The following B3GNT3 variants were observed in gnomAD, a reference collection of about 807,000 sequenced individuals.
B3GNT3 encodes UDP-GlcNAc:betaGal beta-1,3-N-acetylglucosaminyltransferase 3.
In B3GNT3, 7 loss-of-function variants were observed where a neutral mutation model predicts 11.6. The ratio of observed to expected loss-of-function variants is 0.60; its 90% CI spans 0.34 to 1.13. The LOEUF (loss-of-function observed/expected upper bound fraction) is 1.13, where lower values mean the gene tolerates loss of function less well. Ranked by LOEUF, B3GNT3 falls within the 50% of genes most tolerant of loss-of-function variation. The pLI is 0.03. For synonymous variants in B3GNT3, 201 were observed against 222.1 expected (o/e 0.90, Z 0.85); for missense variants, 400 against 507.4 (o/e 0.79, Z 2.03).
chr19:17,804,859 T>G (rs981789543), intron 1 of B3GNT3, among the ~76,000 whole-genome samples: 4 of 151,568 alleles, frequency 2.6e-5, no homozygotes, highest in Admixed American at 2.6e-4. Flanking sequence ...ACCCAGCCCT[T>G]CACCTTATTT....
intron 2 of B3GNT3, among the ~76,000 whole-genome samples, chr19:17,809,223 A>G (rs2094177597): frequency 6.6e-6 from 1 of 152,032 alleles, no homozygotes; most frequent in Non-Finnish European, 1.5e-5. Flanking sequence ...CCTAATGCCT[A>G]GAATAGATTC....
At chr19:17,795,892 A>AG (rs550638660) in intron 1 of B3GNT3, among the ~76,000 whole-genome samples, 164 of 152,102 alleles carry the variant, frequency 1.1e-3, no homozygotes, top group Non-Finnish European at 1.4e-3. Context: ...CTGTGTGTTA[A>AG]GGGGGGGTCT....
chr19:17,804,207 CTT>C (rs918862690), intron 1 of B3GNT3, among the ~76,000 whole-genome samples: 1 of 135,930 alleles, frequency 7.4e-6, no homozygotes. Flanking sequence ...TCTTATTTTC[CTT>C]TTTTTTTTCT....
In B3GNT3 at chr19:17,807,960, T is replaced by TCCCCGC; in HGVS notation, c.155_156insCCGCCC (p.Pro52_Pro53insArgPro). 4 of 1,609,526 alleles carry TCCCCGC rather than the reference T, an allele frequency of 2.5e-6. No individual in the cohort carries two copies. Among genetic ancestry groups the TCCCCGC allele is most frequent in the Non-Finnish European group, 1.7e-6 (2 of 1,178,110 alleles). On this transcript the variant is annotated inframe_insertion, in exon 2 of 3. Transcript: ENST00000318683. ...TCCCCGAGGCCCTGGCCTGGCCCAC[T>TCCCCGC]CCACCCACCCGCCCAGCCCCGGCCC...
intron 1 of B3GNT3, among the ~76,000 whole-genome samples, chr19:17,805,929 C>G (rs2109244): frequency 1.3e-5 from 2 of 151,552 alleles, no homozygotes; most frequent in Non-Finnish European, 2.9e-5. Context: ...TCCCAAGTAA[C>G]TGAGACCTCA....
intron 1 of B3GNT3, among the ~76,000 whole-genome samples, chr19:17,797,063 C>A (rs909280975): frequency 6.6e-6 from 1 of 152,046 alleles, no homozygotes; most frequent in South Asian, 2.1e-4. Flanking sequence ...AGGCTCCCAC[C>A]CAACCTTTCT....
At chr19:17,804,586 G>A (rs1239423091) in intron 1 of B3GNT3, among the ~76,000 whole-genome samples, 13 of 125,280 alleles carry the variant, frequency 1.0e-4, no homozygotes, top group Non-Finnish European at 1.7e-4. Flanking sequence ...TGCCCAGGCT[G>A]GAGTGCAGTG....
chr19:17,813,462 T>C lies in B3GNT3; in HGVS notation c.*1340T>C, dbSNP rs962198414. ...GAAGACAAAAACATAAAACAGGACA[T>C]GTGTGAGGCAAAAGCTGCAGGAATT... is the stretch of plus-strand genomic sequence containing the variant. On this transcript the variant is annotated 3_prime_UTR_variant, in exon 3 of 3. Transcript: ENST00000318683. Among the ~76,000 whole-genome samples the C allele has an allele frequency of 1.3e-5, 2 of 152,032 alleles. No individual in the cohort carries two copies. Among genetic ancestry groups the C allele is most frequent in the African/African-American group, 4.8e-5 (2 of 41,386 alleles).
At chr19:17,804,533 C>CTTTTTTTTTTTTTTTTTTTTT (rs67513010) in intron 1 of B3GNT3, among the ~76,000 whole-genome samples, 1 of 57,016 alleles carries the variant, frequency 1.8e-5, no homozygotes, top group African/African-American at 8.3e-5. Flanking sequence ...CCGTGCCCAG[C>CTTTTTTTTTTTTTTTTTTTTT]TTTTTTTTTT....
chr19:17,797,443 A>T lies in B3GNT3; in HGVS notation c.-51+2237A>T, dbSNP rs181834256. Among the ~76,000 whole-genome samples the T allele has an allele frequency of 1.6e-4, 25 of 152,278 alleles. No homozygotes were observed. The East Asian group carries it at 4.8e-3, about 29-fold the overall frequency. ...AGGGTCTGAGGTTGAACTGCGATGC[A>T]CGGCCTGGCTTCCCAGCCTGTTTCC... On this transcript the variant is annotated intron_variant, in intron 1 of 2. Coordinates refer to ENST00000318683, the MANE Select transcript of B3GNT3 (RefSeq NM_014256.4).
chr19:17,807,772 G>A lies in B3GNT3; in HGVS notation c.-36G>A. 1 of 1,572,572 alleles carries A rather than the reference G, an allele frequency of 6.4e-7. No individual in the cohort carries two copies. The highest frequency in any genetic ancestry group is 8.7e-7 in the Non-Finnish European group (1 of 1,154,608). ...GTTTTCCACAGGAGCCGCCCAGGAG[G>A]CTCCTCAGGCCGACCCCAGACCCTG... On this transcript the variant is annotated 5_prime_UTR_variant, in exon 2 of 3. Coordinates refer to ENST00000318683, the MANE Select transcript of B3GNT3 (RefSeq NM_014256.4).
intron 1 of B3GNT3, among the ~76,000 whole-genome samples, chr19:17,804,928 T>C (rs2094171268): frequency 6.6e-6 from 1 of 150,686 alleles, no homozygotes; most frequent in Admixed American, 6.6e-5. Flanking sequence ...GCCACCAAAC[T>C]CTTCCACCTA....
Position 17,807,960 on chromosome 19 carries a change from T to TCCCCGCCCCCC in B3GNT3, c.155_156insCCGCCCCCCCC (p.Pro53ArgfsTer64). ...TCCCCGAGGCCCTGGCCTGGCCCAC[T>TCCCCGCCCCCC]CCACCCACCCGCCCAGCCCCGGCCC... On this transcript the variant is annotated frameshift_variant, in exon 2 of 3. Transcript: ENST00000318683. LOFTEE classifies it high-confidence loss of function. The TCCCCGCCCCCC allele has an allele frequency of 6.2e-7, 1 of 1,609,548 alleles. No homozygotes were observed. Among genetic ancestry groups the TCCCCGCCCCCC allele is most frequent in the Non-Finnish European group, 8.5e-7 (1 of 1,178,130 alleles).
At chr19:17,804,412 GTAT>G (rs2094170298) in intron 1 of B3GNT3, among the ~76,000 whole-genome samples, 1 of 148,684 alleles carries the variant, frequency 6.7e-6, no homozygotes, top group Non-Finnish European at 1.5e-5. Context: ...GGTAATTTTT[GTAT>G]TTTTAGTAGA....
intron 2 of B3GNT3, among the ~76,000 whole-genome samples, chr19:17,808,706 G>A (rs2094176947): frequency 6.6e-6 from 1 of 152,160 alleles, no homozygotes; most frequent in African/African-American, 2.4e-5. Context: ...AAAATGGGAT[G>A]TGAATGAGTC....
At chr19:17,796,403 T>TA (rs1435809230) in intron 1 of B3GNT3, among the ~76,000 whole-genome samples, 2 of 151,416 alleles carry the variant, frequency 1.3e-5, no homozygotes, top group African/African-American at 4.8e-5. Flanking sequence ...CTGATTTTTT[T>TA]AAATGGACAC....
intron 1 of B3GNT3, among the ~76,000 whole-genome samples, chr19:17,802,557 C>T (rs549354391): frequency 1.2e-4 from 19 of 152,006 alleles, no homozygotes; most frequent in Non-Finnish European, 2.5e-4. Context: ...GCCTGGAGGT[C>T]GAAGCCTCTC....
intron 1 of B3GNT3, among the ~76,000 whole-genome samples, chr19:17,804,240 C>CTTTTTTTTTTTTTTTTTTTTCT (rs773524591): frequency 8.9e-6 from 1 of 112,188 alleles, no homozygotes; most frequent in Non-Finnish European, 1.8e-5. Flanking sequence ...TCTTTTTTTT[C>CTTTTTTTTTTTTTTTTTTTTCT]TTTTTTTTTT....
chr19:17,797,743 T>C (rs1005260958), intron 1 of B3GNT3, among the ~76,000 whole-genome samples: 1 of 152,152 alleles, frequency 6.6e-6, no homozygotes, highest in African/African-American at 2.4e-5. Flanking sequence ...TGAGTATATA[T>C]TGACAGAGAA....
Sources: gnomAD v4.1 joint callset for allele counts (sites outside exome capture counted in the v4.1 genomes callset) on GRCh38, gnomAD v4.1.1 for gene constraint, MANE v1.5 for transcripts, NCBI Gene and HGNC (gene_info 2026-07-23, HGNC 2026-07-21) for gene names.